Variants in DIAPH3 observed in about 807,000 individuals in gnomAD.
The protein encoded by DIAPH3 is diaphanous related formin 3.
A neutral mutation model predicts 144.3 loss-of-function variants in DIAPH3; 117 were observed. The ratio of observed to expected loss-of-function variants is 0.81; its 90% CI spans 0.70 to 0.95. The LOEUF is 0.95. DIAPH3 is among the 40% of genes least tolerant of loss of function. The pLI, the probability that DIAPH3 is intolerant of heterozygous loss-of-function variation, is 0.00. For missense variants in DIAPH3, 1,421 were observed against 1,412.7 expected (o/e 1.01, Z -0.09); for synonymous variants, 519 against 488.9 (o/e 1.06, Z -0.81).
At chr13:59,847,040 C>A (rs1388572964) in intron 22 of DIAPH3, among the ~76,000 whole-genome samples, 1 of 152,154 alleles carries the variant, frequency 6.6e-6, no homozygotes, top group Non-Finnish European at 1.5e-5. Flanking sequence ...GATTGCATCA[C>A]TGCACTCCAA....
At chr13:60,094,369 A>G (rs1051967606) in intron 3 of DIAPH3, among the ~76,000 whole-genome samples, 2 of 152,238 alleles carry the variant, frequency 1.3e-5, no homozygotes, top group Non-Finnish European at 2.9e-5. Context: ...TAAGGGTTTA[A>G]GTAACTAAGA....
intron 1 of DIAPH3, among the ~76,000 whole-genome samples, chr13:60,142,861 G>A (rs776336653): frequency 2.6e-5 from 4 of 151,860 alleles, no homozygotes; most frequent in Non-Finnish European, 4.4e-5. Flanking sequence ...GAGCTCAAGC[G>A]ATCAGCTTCC....
chr13:59,886,416 T>C (rs1255500108), intron 20 of DIAPH3, among the ~76,000 whole-genome samples: 2 of 152,144 alleles, frequency 1.3e-5, no homozygotes, highest in Non-Finnish European at 2.9e-5. Context: ...CCAAGTTTGT[T>C]GTTCTTTAAA....
intron 18 of DIAPH3, among the ~76,000 whole-genome samples, chr13:59,922,171 A>G (rs185413411): frequency 3.0e-4 from 46 of 152,194 alleles, no homozygotes; most frequent in African/African-American, 1.0e-3. Flanking sequence ...CACTTTCACC[A>G]CTTCTATTCA....
chr13:60,074,488 T>G (rs1184539880), intron 4 of DIAPH3, among the ~76,000 whole-genome samples: 4 of 151,820 alleles, frequency 2.6e-5, no homozygotes, highest in Non-Finnish European at 5.9e-5. Context: ...TTATCCTTTG[T>G]GTGTGTGTGT....
chr13:59,972,201 G>A (rs1003427388), intron 15 of DIAPH3, among the ~76,000 whole-genome samples: 1 of 152,098 alleles, frequency 6.6e-6, no homozygotes, highest in Middle Eastern at 3.2e-3. Context: ...AACTATGAAT[G>A]AAGAGAGCAC....
At chr13:60,115,027 T>C (rs2138091515) in intron 2 of DIAPH3, among the ~76,000 whole-genome samples, 1 of 152,350 alleles carries the variant, frequency 6.6e-6, no homozygotes, top group East Asian at 1.9e-4. Flanking sequence ...CATTGCTGTA[T>C]GTTAAATGTA....
chr13:59,754,085 C>T (rs925481389), intron 27 of DIAPH3, among the ~76,000 whole-genome samples: 2 of 152,166 alleles, frequency 1.3e-5, no homozygotes, highest in Admixed American at 1.3e-4. Flanking sequence ...CCCATCTAAT[C>T]TGTCACAAAA....
chr13:60,069,326 G>C (rs771625697), intron 4 of DIAPH3, among the ~76,000 whole-genome samples: 13 of 151,782 alleles, frequency 8.6e-5, no homozygotes, highest in Admixed American at 2.0e-4. Context: ...TTTTTTAATG[G>C]GGTTGTTTTT....
intron 27 of DIAPH3, among the ~76,000 whole-genome samples, chr13:59,748,859 G>T (rs1461899085): frequency 6.6e-5 from 10 of 152,146 alleles, no homozygotes; most frequent in Admixed American, 6.5e-4. Flanking sequence ...GTTGACTGAG[G>T]AATTAAGAGT....
chr13:59,747,084 C>T (rs2036743022), intron 27 of DIAPH3, among the ~76,000 whole-genome samples: 1 of 152,076 alleles, frequency 6.6e-6, no homozygotes. Flanking sequence ...CAGATAACAT[C>T]ACTAAGCTGC....
chr13:59,784,269 G>A (rs1292915209), intron 25 of DIAPH3, among the ~76,000 whole-genome samples: 1 of 151,942 alleles, frequency 6.6e-6, no homozygotes, highest in African/African-American at 2.4e-5. Flanking sequence ...TTTTAGTAGA[G>A]ACAGGGTTTC....
chr13:60,015,901 G>A lies in DIAPH3; in HGVS notation c.771+12C>T, dbSNP rs374242953. On this transcript the variant is annotated intron_variant, in intron 7 of 27. Transcript: ENST00000400324. ...TTGGTGACGGACAAATACTAATTAC[G>A]TATGTACATACCTGCGTATTCATCA... 59 of 1,601,538 alleles carry A rather than the reference G, an allele frequency of 3.7e-5. No homozygotes were observed. The highest frequency in any genetic ancestry group is 1.3e-4 in the Admixed American group (8 of 59,962).
intron 27 of DIAPH3, among the ~76,000 whole-genome samples, chr13:59,670,561 A>G (rs2032305953): frequency 6.6e-6 from 1 of 151,776 alleles, no homozygotes; most frequent in African/African-American, 2.4e-5. Flanking sequence ...CAGGTAGAGG[A>G]AGTGCTCAAG....
chr13:60,085,810 T>TAC lies in DIAPH3; in HGVS notation c.495+7816_495+7817dup, dbSNP rs375685470. 1.7e-3 allele frequency among the ~76,000 whole-genome samples: 256 copies of TAC among 152,260 alleles called. 1 individual carries two copies. Among genetic ancestry groups the TAC allele is most frequent in the African/African-American group, 5.9e-3 (245 of 41,564 alleles). On this transcript the variant is annotated intron_variant, in intron 4 of 27. Coordinates refer to ENST00000400324, the MANE Select transcript of DIAPH3 (RefSeq NM_001042517.2). ...CTTGTGGCACTTTCAAACTTATCAC[T>TAC]ACATTCATGGTTATCTGACATGGTA...
At chr13:60,138,627 G>A (rs1449019160) in intron 1 of DIAPH3, among the ~76,000 whole-genome samples, 1 of 152,110 alleles carries the variant, frequency 6.6e-6, no homozygotes, top group Non-Finnish European at 1.5e-5. Context: ...TTAGTCTAAG[G>A]TACAAATCAT....
intron 18 of DIAPH3, among the ~76,000 whole-genome samples, chr13:59,923,055 G>A (rs2047591133): frequency 6.6e-6 from 1 of 151,990 alleles, no homozygotes; most frequent in Non-Finnish European, 1.5e-5. Flanking sequence ...GTAAACAAAG[G>A]TAATCAGTAT....
At chr13:59,832,894 A>G (rs760581808) in intron 24 of DIAPH3, 17 of 497,538 alleles carry the variant, frequency 3.4e-5, no homozygotes, top group Middle Eastern at 5.5e-4. Flanking sequence ...CACTTTTTCA[A>G]TCAAAATGTC....
chr13:59,867,030 G>A (rs1222765295), intron 21 of DIAPH3, among the ~76,000 whole-genome samples: 1 of 149,094 alleles, frequency 6.7e-6, no homozygotes, highest in Non-Finnish European at 1.5e-5. Flanking sequence ...TTTGAGATGG[G>A]CTCTTGCTTT....
Sources: allele counts gnomAD v4.1 joint callset (sites outside exome capture counted in the v4.1 genomes callset), GRCh38; gene constraint gnomAD v4.1.1; transcripts MANE v1.5; gene names NCBI Gene and HGNC (gene_info 2026-07-23, HGNC 2026-07-21).